Variants in NAV2 observed in about 807,000 individuals in gnomAD.
NAV2 encodes helicase, APC down-regulated 1.
A neutral mutation model predicts 223.2 loss-of-function variants in NAV2; 54 were observed. That is an observed-to-expected ratio of 0.24 (90% CI 0.19 to 0.30). NAV2 has a LOEUF of 0.30. Ranked by LOEUF, NAV2 falls within the 10% of genes least tolerant of loss-of-function variation. NAV2 has a pLI of 1.00. For synonymous variants in NAV2, 1,279 were observed against 1,239.3 expected (o/e 1.03, Z -0.67); for missense variants, 2,806 against 3,147.5 (o/e 0.89, Z 2.60).
At chr11:19,669,588 T>A (rs1487275358) in intron 1 of NAV2, among the ~76,000 whole-genome samples, 4 of 152,254 alleles carry the variant, frequency 2.6e-5, no homozygotes, top group African/African-American at 9.6e-5. Flanking sequence ...GGTTAGGCAT[T>A]GGGTACCATG....
intron 1 of NAV2, among the ~76,000 whole-genome samples, chr11:19,816,276 C>T (rs1466403724): frequency 1.3e-5 from 2 of 152,204 alleles, no homozygotes; most frequent in Non-Finnish European, 2.9e-5. Context: ...GGCCGGGCAG[C>T]GCCAGCCACT....
At chr11:19,783,288 A>C (rs776477262) in intron 1 of NAV2, among the ~76,000 whole-genome samples, 1 of 152,082 alleles carries the variant, frequency 6.6e-6, no homozygotes, top group Admixed American at 6.5e-5. Context: ...ATGAAGTCCA[A>C]CTCCTTTGTG....
At chr11:20,048,508 C>T (rs1439695041) in intron 14 of NAV2, among the ~76,000 whole-genome samples, 4 of 152,184 alleles carry the variant, frequency 2.6e-5, no homozygotes, top group African/African-American at 9.7e-5. Flanking sequence ...AGAGTCTCAG[C>T]TGCAGCTTAG....
chr11:19,724,690 G>A (rs1432254240), intron 1 of NAV2, among the ~76,000 whole-genome samples: 1 of 152,172 alleles, frequency 6.6e-6, no homozygotes, highest in Non-Finnish European at 1.5e-5. Context: ...AAGGGCACTG[G>A]GGGCATTTCA....
At chr11:19,374,221 A>T (rs1848565324) in intron 1 of NAV2, among the ~76,000 whole-genome samples, 1 of 151,232 alleles carries the variant, frequency 6.6e-6, no homozygotes, top group Admixed American at 6.6e-5. Context: ...TGAACTTGGC[A>T]CCCATACTTC....
At chr11:19,622,341 A>C (rs932301769) in intron 1 of NAV2, among the ~76,000 whole-genome samples, 12 of 152,164 alleles carry the variant, frequency 7.9e-5, no homozygotes, top group Admixed American at 1.3e-4. Flanking sequence ...GATCTGTCTA[A>C]TGTTGACAGT....
intron 1 of NAV2, among the ~76,000 whole-genome samples, chr11:19,355,610 T>A (rs1853573563): frequency 6.6e-6 from 1 of 152,136 alleles, no homozygotes; most frequent in South Asian, 2.1e-4. Flanking sequence ...CTTCAATCAG[T>A]AGTGGAATTT....
chr11:19,666,663 A>G (rs2048418959), intron 1 of NAV2, among the ~76,000 whole-genome samples: 1 of 151,970 alleles, frequency 6.6e-6, no homozygotes, highest in Non-Finnish European at 1.5e-5. Flanking sequence ...CCTCCTTACT[A>G]TACTTCTTTC....
chr11:19,382,967 A>G (rs1053585459), intron 1 of NAV2, among the ~76,000 whole-genome samples: 8 of 152,180 alleles, frequency 5.3e-5, no homozygotes, highest in Admixed American at 5.2e-4. Flanking sequence ...CTCCAAAGGC[A>G]TATAGCTTGT....
At chr11:19,903,050 A>G (rs927694494) in intron 6 of NAV2, among the ~76,000 whole-genome samples, 8 of 152,182 alleles carry the variant, frequency 5.3e-5, no homozygotes, top group African/African-American at 1.9e-4. Flanking sequence ...GGCCGAGGAC[A>G]TGACATCCTC....
intron 1 of NAV2, among the ~76,000 whole-genome samples, chr11:19,466,079 A>C (rs1310788255): frequency 6.6e-6 from 1 of 152,236 alleles, no homozygotes; most frequent in Non-Finnish European, 1.5e-5. Flanking sequence ...TGTTTCCACG[A>C]GAAGAGTGAT....
At chr11:20,115,741 C>T (rs1395497188) in intron 37 of NAV2, among the ~76,000 whole-genome samples, 1 of 150,974 alleles carries the variant, frequency 6.6e-6, no homozygotes, top group Non-Finnish European at 1.5e-5. Flanking sequence ...AACAAAACCT[C>T]TTCTCTACAA....
Position 19,564,441 on chromosome 11 carries a change from CT to C in NAV2, c.75+213415del, listed in dbSNP as rs534800424. Among the ~76,000 whole-genome samples the C allele has an allele frequency of 4.3e-3, 659 of 152,328 alleles. 2 individuals are homozygous for C. Among genetic ancestry groups the C allele is most frequent in the Non-Finnish European group, 7.3e-3 (499 of 68,030 alleles). ...GAAGCCTCAGGAAGCGGCTCATTAGCTGTTAATTTTATTTTCACCACCCAGT... is the reference window on the plus strand; with the variant it reads ...GAAGCCTCAGGAAGCGGCTCATTAGCGTTAATTTTATTTTCACCACCCAGT... On this transcript the variant is annotated intron_variant, in intron 1 of 37. Coordinates refer to the NAV2 transcript ENST00000360655.
chr11:19,831,313 G>A (rs1183173224), intron 1 of NAV2, among the ~76,000 whole-genome samples: 1 of 151,150 alleles, frequency 6.6e-6, no homozygotes, highest in Non-Finnish European at 1.5e-5. Context: ...CAGGATGGAG[G>A]GTGAGGATGA....
chr11:20,086,605 G>T (rs2060464689), intron 26 of NAV2, among the ~76,000 whole-genome samples: 1 of 152,096 alleles, frequency 6.6e-6, no homozygotes, highest in Non-Finnish European at 1.5e-5. Flanking sequence ...TACAGTAGAA[G>T]CTCCATGGAG....
At chr11:19,442,499 G>A (rs761281060) in intron 1 of NAV2, among the ~76,000 whole-genome samples, 4 of 152,236 alleles carry the variant, frequency 2.6e-5, no homozygotes, top group African/African-American at 9.6e-5. Context: ...TGACTCATGC[G>A]CTGGTGGTGG....
chr11:19,884,462 G>A (rs1394664622), intron 5 of NAV2: 42 of 965,654 alleles, frequency 4.3e-5, no homozygotes, highest in African/African-American at 8.2e-5. Flanking sequence ...TCCTCTCCTC[G>A]TTTCATGTTT....
chr11:19,425,493 A>G (rs1850790723), intron 1 of NAV2, among the ~76,000 whole-genome samples: 1 of 152,186 alleles, frequency 6.6e-6, no homozygotes, highest in African/African-American at 2.4e-5. Flanking sequence ...GGCTTGTCTT[A>G]CATGCGTGGG....
At chr11:19,979,368 A>G (rs1343096330) in intron 10 of NAV2, among the ~76,000 whole-genome samples, 1 of 152,144 alleles carries the variant, frequency 6.6e-6, no homozygotes, top group African/African-American at 2.4e-5. Flanking sequence ...GATGTTCAAA[A>G]CCATCCCCCA....
Sources: gnomAD v4.1 joint callset for allele counts (sites outside exome capture counted in the v4.1 genomes callset) on GRCh38, gnomAD v4.1.1 for gene constraint, MANE v1.5 for transcripts, NCBI Gene and HGNC (gene_info 2026-07-23, HGNC 2026-07-21) for gene names.